The following HELLS variants were observed in gnomAD, a reference collection of about 807,000 sequenced individuals.
HELLS encodes helicase, lymphoid specific.
HELLS carries 32 observed loss-of-function variants against 120.0 expected under a neutral mutation model. That is an observed-to-expected ratio of 0.27 (90% CI 0.20 to 0.36). HELLS has a LOEUF of 0.36. Among genes scored for constraint, HELLS ranks in the 10% least tolerant of loss-of-function variants. The pLI, the probability that HELLS is intolerant of heterozygous loss-of-function variation, is 1.00. For synonymous variants in HELLS, 341 were observed against 323.4 expected, an observed-to-expected ratio of 1.05 and a Z score of -0.58; for missense variants, 650 against 993.4, an observed-to-expected ratio of 0.65 and a Z score of 4.65.
chr10:94,578,066 G>A (rs1204107412), intron 10 of HELLS, among the ~76,000 whole-genome samples: 7 of 97,074 alleles, frequency 7.2e-5, no homozygotes, highest in Non-Finnish European at 1.1e-4. Flanking sequence ...GCGAGACTCC[G>A]TCTCAAAAAA....
chr10:94,563,455 C>G (rs1040450430), intron 6 of HELLS, among the ~76,000 whole-genome samples: 2 of 151,446 alleles, frequency 1.3e-5, no homozygotes, highest in Admixed American at 6.6e-5. Flanking sequence ...TTCTTTCTTT[C>G]GTTTCCTTCC....
At position 94,547,047 on chromosome 10, in the gene HELLS, C is replaced by T. The variant is rs187139644; in HGVS notation, c.153+549C>T. 1.5e-3 allele frequency among the ~76,000 whole-genome samples: 235 copies of T among 152,258 alleles called. 1 individual carries two copies. The highest frequency in any genetic ancestry group is 2.7e-3 in the Non-Finnish European group (186 of 68,004). On this transcript the variant is annotated intron_variant, in intron 2 of 21. Transcript: ENST00000348459. Reference sequence around the variant, plus strand: ...GGCCTGTGTATTGCTACATAAGATTCTTTAGCTAAAAATGTGCCGTACTTT... The same window carrying T: ...GGCCTGTGTATTGCTACATAAGATTTTTTAGCTAAAAATGTGCCGTACTTT...
intron 2 of HELLS, among the ~76,000 whole-genome samples, chr10:94,548,898 G>A (rs1374609374): frequency 6.6e-6 from 1 of 152,118 alleles, no homozygotes; most frequent in East Asian, 1.9e-4. Context: ...GGAGGCTGAG[G>A]CAGGAGAATT....
chr10:94,545,952 GGTGAGTGAGGAAAA>G lies in HELLS; in HGVS notation c.31+1_31+14del. The G allele has an allele frequency of 6.4e-7, 1 of 1,556,172 alleles. No homozygotes were observed. The highest frequency in any genetic ancestry group is 2.4e-5 in the East Asian group (1 of 41,498). On this transcript the variant is annotated splice_donor_variant and splice_donor_5th_base_variant and intron_variant, in intron 1 of 21. Transcript: ENST00000348459. LOFTEE classifies it high-confidence loss of function. ...AGCGGAACGGCCCGCGGGCAGCGGC[GGTGAGTGAGGAAAA>G]CCTTTTGGGCGCGGGTGGCAGCCTG...
intron 2 of HELLS, among the ~76,000 whole-genome samples, chr10:94,547,849 G>C (rs1842809884): frequency 6.6e-6 from 1 of 152,114 alleles, no homozygotes; most frequent in Admixed American, 6.5e-5. Context: ...CCATGCTATA[G>C]TTCCACTCCA....
At chr10:94,559,040 C>A (rs1843416838) in intron 4 of HELLS, among the ~76,000 whole-genome samples, 1 of 152,130 alleles carries the variant, frequency 6.6e-6, no homozygotes, top group Non-Finnish European at 1.5e-5. Flanking sequence ...TACTCACTTA[C>A]ATTTATTTGT....
At chr10:94,594,321 C>G (rs1235168908) in intron 18 of HELLS, among the ~76,000 whole-genome samples, 1 of 152,092 alleles carries the variant, frequency 6.6e-6, no homozygotes, top group Non-Finnish European at 1.5e-5. Flanking sequence ...TCTCAAGTAG[C>G]TGGGTCTATG....
intron 6 of HELLS, chr10:94,569,963 C>G (rs926052922): frequency 6.6e-6 from 1 of 151,866 alleles, no homozygotes; most frequent in Non-Finnish European, 1.5e-5. Flanking sequence ...TTCTCTGCCT[C>G]TTGTGTTTCC....
downstream of HELLS, among the ~76,000 whole-genome samples, chr10:94,605,540 T>C (rs1846119322): frequency 1.3e-5 from 2 of 152,174 alleles, no homozygotes; most frequent in African/African-American, 4.8e-5. Context: ...TGGATAGTTC[T>C]GGTTTGGGAT....
chr10:94,563,419 C>T (rs1843646698), intron 6 of HELLS, among the ~76,000 whole-genome samples: 1 of 152,096 alleles, frequency 6.6e-6, no homozygotes, highest in Admixed American at 6.6e-5. Flanking sequence ...AATAGGCTTA[C>T]ACCTTTAGGT....
chr10:94,589,259 T>A (rs909352649), intron 13 of HELLS, among the ~76,000 whole-genome samples: 1 of 152,226 alleles, frequency 6.6e-6, no homozygotes. Flanking sequence ...GGTAGGTATT[T>A]GAGAATCCCT....
downstream of HELLS, among the ~76,000 whole-genome samples, chr10:94,606,824 T>A (rs534497988): frequency 4.1e-4 from 62 of 152,320 alleles, no homozygotes; most frequent in African/African-American, 1.4e-3. Flanking sequence ...CTCTCTAAGC[T>A]CCATGCATGA....
intron 6 of HELLS, among the ~76,000 whole-genome samples, chr10:94,565,223 G>C (rs1056599048): frequency 6.6e-6 from 1 of 152,180 alleles, no homozygotes; most frequent in Non-Finnish European, 1.5e-5. Flanking sequence ...TGTAGTCCTA[G>C]CTACTCAGGA....
chr10:94,550,092 G>A (rs953943799), intron 2 of HELLS, among the ~76,000 whole-genome samples: 3 of 151,922 alleles, frequency 2.0e-5, no homozygotes, highest in East Asian at 3.9e-4. Context: ...GGCTAATTTT[G>A]TATTTTTAGT....
At chr10:94,584,118 A>G (rs1033157497) in intron 12 of HELLS, 19 of 1,347,620 alleles carry the variant, frequency 1.4e-5, no homozygotes, top group South Asian at 5.0e-5. Context: ...CTTCATACCA[A>G]TTTTGAGGTT....
intron 2 of HELLS, among the ~76,000 whole-genome samples, chr10:94,550,362 T>C (rs1011504951): frequency 6.6e-6 from 1 of 152,080 alleles, no homozygotes; most frequent in Non-Finnish European, 1.5e-5. Flanking sequence ...CACTGCGACC[T>C]TCACCTGCCG....
chr10:94,592,495 A>C lies in HELLS; in HGVS notation c.1952A>C (p.Tyr651Ser). ...AGCAGGCTTGATGGGTCCATGTCTT[A>C]CTCAGAGAGAGAAAAAAACGTAAGA... ...NFSRLDGSMS[Y>S]SEREKNMHSF... The change falls in exon 17 of 22, where the codon TAC (tyrosine) becomes TCC (serine). Residue 651 changes from tyrosine to serine, a missense_variant. Physicochemically the swap from Tyr to Ser is moderately radical, Grantham distance 144. Coordinates refer to ENST00000348459, the MANE Select transcript of HELLS (RefSeq NM_018063.5). 2 of 1,473,622 alleles carry C rather than the reference A, an allele frequency of 1.4e-6. No homozygotes were observed. The highest frequency in any genetic ancestry group is 1.8e-6 in the Non-Finnish European group (2 of 1,113,100). The allele number at this position is 1,473,622 out of a possible 1,614,324, so 91.3% of individuals were successfully genotyped here. A position where few individuals can be genotyped will look rare whatever the true frequency, so the allele number is the denominator to read the frequency against.
At chr10:94,572,751 T>G (rs776646992) in intron 7 of HELLS, among the ~76,000 whole-genome samples, 1 of 151,974 alleles carries the variant, frequency 6.6e-6, no homozygotes, top group South Asian at 2.1e-4. Flanking sequence ...GTACAGATTT[T>G]CCCCCCCAAA....
intron 4 of HELLS, among the ~76,000 whole-genome samples, chr10:94,560,157 A>G (rs987651905): frequency 2.0e-5 from 3 of 151,686 alleles, no homozygotes; most frequent in African/African-American, 7.3e-5. Flanking sequence ...TCAGCCTCCC[A>G]AGTAGCTGGG....
Sources: allele counts gnomAD v4.1 joint callset (sites outside exome capture counted in the v4.1 genomes callset), GRCh38; gene constraint gnomAD v4.1.1; transcripts MANE v1.5; gene names NCBI Gene and HGNC (gene_info 2026-07-23, HGNC 2026-07-21).